FAM178B: variants seen among roughly 807,000 people sequenced by gnomAD.
The protein encoded by FAM178B is protein FAM178B.
A neutral mutation model predicts 91.7 loss-of-function variants in FAM178B; 82 were observed. That is an observed-to-expected ratio of 0.89 (90% CI 0.75 to 1.07). The LOEUF is 1.07. FAM178B is among the 50% of genes least tolerant of loss of function. The pLI is 0.00. For missense variants in FAM178B, 769 were observed against 846.7 expected (o/e 0.91, Z 1.14); for synonymous variants, 368 against 359.4 (o/e 1.02, Z -0.27).
At chr2:96,982,531 G>A (rs971202668) in intron 1 of FAM178B, among the ~76,000 whole-genome samples, 1 of 152,060 alleles carries the variant, frequency 6.6e-6, no homozygotes, top group African/African-American at 2.4e-5. Flanking sequence ...CCACAGTGCT[G>A]GGATTACAGG....
At chr2:96,880,328 G>A (rs561931403) in intron 14 of FAM178B, among the ~76,000 whole-genome samples, 42 of 152,244 alleles carry the variant, frequency 2.8e-4, no homozygotes, top group African/African-American at 9.6e-4. Flanking sequence ...CCCTGAGGGC[G>A]GTTCCAGAAA....
intron 13 of FAM178B, among the ~76,000 whole-genome samples, chr2:96,896,378 G>A (rs1427270738): frequency 6.6e-6 from 1 of 152,160 alleles, no homozygotes; most frequent in Admixed American, 6.5e-5. Context: ...ATCTCTGGAT[G>A]CTCCAGCCAG....
At chr2:96,924,884 G>T (rs1231256886) in intron 9 of FAM178B, among the ~76,000 whole-genome samples, 2 of 152,008 alleles carry the variant, frequency 1.3e-5, no homozygotes, top group Non-Finnish European at 2.9e-5. Flanking sequence ...TGAAGTCTCT[G>T]CTCTTCTCTG....
At chr2:96,914,353 G>T (rs1332479581) in intron 12 of FAM178B, among the ~76,000 whole-genome samples, 4 of 152,210 alleles carry the variant, frequency 2.6e-5, no homozygotes. Flanking sequence ...GCGGGCATGA[G>T]GGAGGGTGGG....
At chr2:96,986,134 C>T (rs764864451) in intron 1 of FAM178B, 107 bp downstream of exon 1, 13 of 1,501,074 alleles carry the variant, frequency 8.7e-6, no homozygotes, top group Non-Finnish European at 9.7e-6. Context: ...GCGGCCGCAC[C>T]GGGGCTGACC....
intron 16 of FAM178B, among the ~76,000 whole-genome samples, chr2:96,877,357 C>A (rs540451530): frequency 1.3e-5 from 2 of 151,886 alleles, no homozygotes; most frequent in African/African-American, 4.8e-5. Context: ...CTGAGGACTG[C>A]GCTTCTCTGT....
chr2:96,978,546 T>C (rs1235370093), intron 1 of FAM178B, among the ~76,000 whole-genome samples: 2 of 152,212 alleles, frequency 1.3e-5, no homozygotes, highest in African/African-American at 4.8e-5. Flanking sequence ...TATGTGGTAT[T>C]TGACTTTCTG....
intron 7 of FAM178B, among the ~76,000 whole-genome samples, chr2:96,948,836 A>C (rs763546496): frequency 1.3e-5 from 2 of 152,142 alleles, no homozygotes; most frequent in Non-Finnish European, 2.9e-5. Flanking sequence ...CCGAGGCTGG[A>C]GACCTCGCCT....
intron 1 of FAM178B, 45 bp from the exon 2 acceptor site, chr2:96,972,651 G>C: frequency 2.0e-6 from 3 of 1,523,812 alleles, no homozygotes; most frequent in Non-Finnish European, 2.7e-6. Context: ...CCAGAAGAAA[G>C]CTAAAGGTTC....
intron 14 of FAM178B, among the ~76,000 whole-genome samples, chr2:96,879,536 G>A (rs553352353): frequency 1.2e-4 from 18 of 152,334 alleles, no homozygotes; most frequent in South Asian, 4.1e-4. Context: ...CATCAGATTT[G>A]GTACCATCAA....
intron 12 of FAM178B, among the ~76,000 whole-genome samples, chr2:96,911,075 CTTTTTT>C (rs961674832): frequency 6.6e-6 from 1 of 151,314 alleles, no homozygotes; most frequent in African/African-American, 2.4e-5. Flanking sequence ...GCCCTAGAAT[CTTTTTT>C]TTTAAGTTCT....
intron 12 of FAM178B, among the ~76,000 whole-genome samples, chr2:96,904,565 T>G (rs1302432147): frequency 1.6e-5 from 2 of 125,658 alleles, no homozygotes; most frequent in East Asian, 4.2e-4. Flanking sequence ...TTTTTTTTTT[T>G]GTATTTTTAG....
chr2:96,975,670 A>C (rs1410488305), intron 1 of FAM178B, among the ~76,000 whole-genome samples: 10 of 152,254 alleles, frequency 6.6e-5, no homozygotes, highest in Non-Finnish European at 2.9e-5. Context: ...TCTTCTATCA[A>C]GCTGTATATT....
intron 13 of FAM178B, among the ~76,000 whole-genome samples, chr2:96,900,763 C>T (rs887500500): frequency 2.6e-5 from 4 of 151,994 alleles, no homozygotes; most frequent in Admixed American, 6.5e-5. Context: ...AGGCCGAAGC[C>T]GCTCAGACAA....
chr2:96,901,583 T>C (rs1333530093), intron 13 of FAM178B, among the ~76,000 whole-genome samples: 1 of 152,202 alleles, frequency 6.6e-6, no homozygotes, highest in Non-Finnish European at 1.5e-5. Flanking sequence ...TTTTCATCTT[T>C]ACAAACAGTA....
chr2:96,942,722 G>A (rs1269351084), intron 8 of FAM178B, among the ~76,000 whole-genome samples: 1 of 152,026 alleles, frequency 6.6e-6, no homozygotes, highest in Non-Finnish European at 1.5e-5. Flanking sequence ...TATAGTTAGA[G>A]GACTCATACT....
At chr2:96,980,321 C>T (rs558163892) in intron 1 of FAM178B, among the ~76,000 whole-genome samples, 1 of 152,220 alleles carries the variant, frequency 6.6e-6, no homozygotes, top group Non-Finnish European at 1.5e-5. Context: ...AGTGATCCTC[C>T]CACCTCGGCC....
chr2:96,886,116 C>T (rs1293650352), intron 14 of FAM178B, among the ~76,000 whole-genome samples: 1 of 152,230 alleles, frequency 6.6e-6, no homozygotes, highest in Non-Finnish European at 1.5e-5. Context: ...GGCCACTGCC[C>T]GTGACTGAAC....
intron 1 of FAM178B, among the ~76,000 whole-genome samples, chr2:96,976,378 C>A (rs562065815): frequency 9.4e-4 from 142 of 150,984 alleles, no homozygotes; most frequent in Non-Finnish European, 1.7e-3. Context: ...CAGGCGTGAG[C>A]CACCATGCCT....
Sources: allele counts gnomAD v4.1 joint callset (sites outside exome capture counted in the v4.1 genomes callset), GRCh38; gene constraint gnomAD v4.1.1; transcripts MANE v1.5; gene names NCBI Gene and HGNC (gene_info 2026-07-23, HGNC 2026-07-21).